The following CTNNA3 variants were observed in gnomAD, a reference collection of about 807,000 sequenced individuals.
The protein encoded by CTNNA3 is catenin alpha-3.
Under a neutral mutation model 95.7 loss-of-function variants are expected in CTNNA3, and 76 were observed. The observed-to-expected ratio is 0.79, with a 90% CI of 0.66 to 0.96. CTNNA3 has a LOEUF of 0.96. CTNNA3 is among the 40% of genes least tolerant of loss of function. The pLI is 0.00. For synonymous variants in CTNNA3, 431 were observed against 374.4 expected, an observed-to-expected ratio of 1.15 and a Z score of -1.74; for missense variants, 1,191 against 1,089.8, an observed-to-expected ratio of 1.09 and a Z score of -1.31.
chr10:66,041,284 T>C (rs2079682435), intron 15 of CTNNA3, among the ~76,000 whole-genome samples: 1 of 152,194 alleles, frequency 6.6e-6, no homozygotes, highest in Non-Finnish European at 1.5e-5. Flanking sequence ...TGTCATAGAT[T>C]GGAGGAGCCA....
At chr10:66,528,521 A>C (rs757527289) in intron 10 of CTNNA3, among the ~76,000 whole-genome samples, 10 of 152,308 alleles carry the variant, frequency 6.6e-5, no homozygotes, top group South Asian at 2.1e-4. Flanking sequence ...TCTAAGACCC[A>C]TAAGAGACTC....
At chr10:66,069,600 C>A in intron 14 of CTNNA3, 111 bp from the exon 15 acceptor site, 2 of 734,594 alleles carry the variant, frequency 2.7e-6, no homozygotes, top group South Asian at 2.0e-5. Context: ...AAATCAGAGG[C>A]ACAATATAGT....
intron 5 of CTNNA3, among the ~76,000 whole-genome samples, chr10:67,455,114 C>A (rs1270124601): frequency 6.6e-6 from 1 of 152,006 alleles, no homozygotes; most frequent in South Asian, 2.1e-4. Flanking sequence ...CCAGATGATT[C>A]GATTGTACTT....
chr10:67,203,318 C>G (rs2132216982), intron 6 of CTNNA3, among the ~76,000 whole-genome samples: 1 of 152,304 alleles, frequency 6.6e-6, no homozygotes, highest in South Asian at 2.1e-4. Context: ...GCTCTCTTGC[C>G]TGGCACCATG....
At chr10:66,544,305 G>C (rs1051295293) in intron 10 of CTNNA3, among the ~76,000 whole-genome samples, 3 of 151,990 alleles carry the variant, frequency 2.0e-5, no homozygotes. Context: ...TAGGCAAGAT[G>C]TCTTAACTGA....
At chr10:65,991,567 G>T (rs564254774) in intron 15 of CTNNA3, among the ~76,000 whole-genome samples, 43 of 151,892 alleles carry the variant, frequency 2.8e-4, no homozygotes, top group African/African-American at 7.0e-4. Context: ...TTTCAGACTG[G>T]TGTATAAAAT....
intron 5 of CTNNA3, among the ~76,000 whole-genome samples, chr10:67,504,715 A>G (rs1346774382): frequency 6.6e-6 from 1 of 152,100 alleles, no homozygotes; most frequent in Non-Finnish European, 1.5e-5. Flanking sequence ...TATGGATCCA[A>G]TTCTAGCCCA....
At chr10:66,515,856 C>A (rs1298803803) in intron 11 of CTNNA3, among the ~76,000 whole-genome samples, 1 of 151,982 alleles carries the variant, frequency 6.6e-6, no homozygotes, top group African/African-American at 2.4e-5. Flanking sequence ...CCTCCCACAA[C>A]AACATGTGGG....
At chr10:66,812,308 TAGAA>T (rs1262244494) in intron 7 of CTNNA3, among the ~76,000 whole-genome samples, 3 of 152,154 alleles carry the variant, frequency 2.0e-5, no homozygotes, top group Non-Finnish European at 2.9e-5. Context: ...AAACATATCT[TAGAA>T]AGATGTCTTA....
At chr10:67,072,591 G>A (rs931327601) in intron 7 of CTNNA3, among the ~76,000 whole-genome samples, 2 of 152,152 alleles carry the variant, frequency 1.3e-5, no homozygotes, top group African/African-American at 4.8e-5. Context: ...CTGGGTTGGG[G>A]CTAGATTGCA....
chr10:66,506,927 C>T (rs1840468802), intron 11 of CTNNA3, among the ~76,000 whole-genome samples: 1 of 152,020 alleles, frequency 6.6e-6, no homozygotes, highest in Non-Finnish European at 1.5e-5. Context: ...TGCATAGATA[C>T]ATACTATATT....
rs539940544 is a variant in CTNNA3 at position 65,964,008 on chromosome 10, G to A, written c.2400+2604C>T. On this transcript the variant is annotated intron_variant, in intron 17 of 17. Coordinates refer to ENST00000433211, the MANE Select transcript of CTNNA3 (RefSeq NM_013266.4). The stretch of plus-strand genomic sequence containing the variant: ...AACCCACTATATTTGGTAAGGCAAT[G>A]TTTCATGAACCTAATCTTGGGATGC... Among the ~76,000 whole-genome samples the A allele has an allele frequency of 3.0e-4, 45 of 152,244 alleles. 1 individual carries two copies. The highest frequency in any genetic ancestry group is 1.0e-3 in the African/African-American group (42 of 41,552).
intron 1 of CTNNA3, among the ~76,000 whole-genome samples, chr10:67,742,629 G>A (rs1332467959): frequency 6.6e-6 from 1 of 151,200 alleles, no homozygotes; most frequent in African/African-American, 2.4e-5. Context: ...AAAGCTAGCA[G>A]AAGGCAAGAA....
At chr10:66,059,198 A>G (rs2080145970) in intron 15 of CTNNA3, among the ~76,000 whole-genome samples, 1 of 152,112 alleles carries the variant, frequency 6.6e-6, no homozygotes. Flanking sequence ...TGGTAAGGAA[A>G]ATTGGCATCT....
chr10:66,763,639 C>T (rs908152952), intron 9 of CTNNA3, among the ~76,000 whole-genome samples: 5 of 152,312 alleles, frequency 3.3e-5, no homozygotes, highest in African/African-American at 4.8e-5. Flanking sequence ...TCTCACTGCT[C>T]CCTTTTCCTG....
chr10:67,179,296 G>T (rs1362934503), intron 7 of CTNNA3, among the ~76,000 whole-genome samples: 1 of 151,456 alleles, frequency 6.6e-6, no homozygotes, highest in Non-Finnish European at 1.5e-5. Flanking sequence ...ATATATAATT[G>T]AAAATATATT....
chr10:67,633,567 G>C (rs1360065793), intron 2 of CTNNA3, among the ~76,000 whole-genome samples: 1 of 152,154 alleles, frequency 6.6e-6, no homozygotes, highest in Non-Finnish European at 1.5e-5. Context: ...GCCTTCACTG[G>C]TGATACTTCC....
At chr10:66,074,161 T>G (rs1230697399) in intron 14 of CTNNA3, among the ~76,000 whole-genome samples, 1 of 151,976 alleles carries the variant, frequency 6.6e-6, no homozygotes, top group Non-Finnish European at 1.5e-5. Context: ...GCATCTATTC[T>G]GTTGCATGTA....
At chr10:67,105,048 T>TAG (rs1158794127) in intron 7 of CTNNA3, among the ~76,000 whole-genome samples, 2 of 151,956 alleles carry the variant, frequency 1.3e-5, no homozygotes, top group Non-Finnish European at 2.9e-5. Flanking sequence ...AGACAAAAAT[T>TAG]ACACATACCA....
Sources: gnomAD v4.1 joint callset for allele counts (sites outside exome capture counted in the v4.1 genomes callset) on GRCh38, gnomAD v4.1.1 for gene constraint, MANE v1.5 for transcripts, NCBI Gene and HGNC (gene_info 2026-07-23, HGNC 2026-07-21) for gene names.